The following PPP2R3B variants were observed in gnomAD, a reference collection of about 807,000 sequenced individuals.
PPP2R3B encodes the protein serine/threonine-protein phosphatase 2A regulatory subunit B'' subunit beta.
Under a neutral mutation model 72.9 loss-of-function variants are expected in PPP2R3B, and 68 were observed. The ratio of observed to expected loss-of-function variants is 0.93; its 90% CI spans 0.77 to 1.14. The LOEUF is 1.14. PPP2R3B is among the 50% of genes most tolerant of loss of function. The pLI is 0.00. For missense variants in PPP2R3B, 1,018 were observed against 842.0 expected, an observed-to-expected ratio of 1.21 and a Z score of -2.59; for synonymous variants, 466 against 375.8, an observed-to-expected ratio of 1.24 and a Z score of -2.78.
intron 10 of PPP2R3B, among the ~76,000 whole-genome samples, chrX:340,513 G>T (rs866428705): frequency 9.2e-6 from 1 of 108,140 alleles, no homozygotes; most frequent in South Asian, 3.1e-4. Flanking sequence ...CTCACCCTGG[G>T]CCGTCCCCCC....
chrX:370,424 G>A (rs992269444), intron 1 of PPP2R3B, among the ~76,000 whole-genome samples: 60 of 152,150 alleles, frequency 3.9e-4, no homozygotes, highest in Non-Finnish European at 8.5e-4. Flanking sequence ...GCAGCGAGGC[G>A]TGAGTCTCCA....
At chrX:370,813 C>T (rs1296361567) in intron 1 of PPP2R3B, among the ~76,000 whole-genome samples, 4 of 152,210 alleles carry the variant, frequency 2.6e-5, no homozygotes, top group African/African-American at 4.8e-5. Context: ...GCGTCAGGGA[C>T]GCCCAGAGCC....
chrX:345,525 T>C lies in PPP2R3B; in HGVS notation c.1027A>G (p.Asn343Asp), dbSNP rs377659448. 15 of 1,612,744 alleles carry C rather than the reference T, an allele frequency of 9.3e-6. No individual in the cohort carries two copies. The highest frequency in any genetic ancestry group is 1.0e-5 in the Non-Finnish European group (12 of 1,179,486). ...LIDADDLARH[N>D]DHALSTKMID... ...CTGTGCCCCCACGCACCGTGGTCAT[T>C]GTGCCGCGCCAGGTCGTCCGCGTCG... The change falls in exon 7 of 13, where the codon AAT becomes GAT. Residue 343 changes from asparagine (N) to aspartate (D), a missense_variant. Asn to Asp is a conservative substitution (Grantham distance 23). Transcript: ENST00000390665.
chrX:338,574 T>G, intron 12 of PPP2R3B, 30 bp downstream of exon 12: 2 of 1,445,800 alleles, frequency 1.4e-6, no homozygotes, highest in Non-Finnish European at 1.9e-6. Context: ...CACTGACCCG[T>G]CCCCCCACTC....
intron 2 of PPP2R3B, among the ~76,000 whole-genome samples, chrX:351,342 A>T (rs772968745): frequency 6.6e-6 from 1 of 152,142 alleles, no homozygotes; most frequent in Non-Finnish European, 1.5e-5. Context: ...GCAGGTTTCA[A>T]ACCCCAAGCG....
chrX:350,775 G>C (rs2071313818), intron 2 of PPP2R3B, among the ~76,000 whole-genome samples: 1 of 152,194 alleles, frequency 6.6e-6, no homozygotes, highest in Non-Finnish European at 1.5e-5. Flanking sequence ...CGCAGCTGCC[G>C]GGAAAGCGGC....
chrX:345,336 C>CGGGGCAGCGACTGGGGAAGGA, intron 7 of PPP2R3B, 180 bp downstream of exon 7: 1 of 896,878 alleles, frequency 1.1e-6, no homozygotes, highest in South Asian at 1.4e-5. Context: ...GACCCAGACA[C>CGGGGCAGCGACTGGGGAAGGA]GGGGCAGCGA....
intron 1 of PPP2R3B, among the ~76,000 whole-genome samples, chrX:377,365 G>A (rs868371745): frequency 7.3e-4 from 30 of 41,242 alleles, no homozygotes; most frequent in Admixed American, 1.7e-3. Context: ...ATGCAGGGAC[G>A]GGCCGTCCAC....
At chrX:348,966 G>A (rs2071276768) in intron 2 of PPP2R3B, among the ~76,000 whole-genome samples, 1 of 152,150 alleles carries the variant, frequency 6.6e-6, no homozygotes, top group East Asian at 1.9e-4. Flanking sequence ...AGTTATCACT[G>A]GAGAGCAGAG....
At chrX:334,764 T>A (rs2070843499) in intron 12 of PPP2R3B, 2 of 446,620 alleles carry the variant, frequency 4.5e-6, no homozygotes, top group Non-Finnish European at 7.8e-6. Flanking sequence ...GCCCCGGGCG[T>A]GAGCTACACA....
intron 1 of PPP2R3B, among the ~76,000 whole-genome samples, chrX:384,905 A>C (rs2072210417): frequency 1.3e-5 from 2 of 149,406 alleles, no homozygotes; most frequent in Non-Finnish European, 3.0e-5. Context: ...GAATCGCTTG[A>C]ACCCGGGAGG....
chrX:334,582 G>A (rs1344505695), intron 12 of PPP2R3B, 65 bp from the exon 13 acceptor site: 1 of 1,385,092 alleles, frequency 7.2e-7, no homozygotes, highest in South Asian at 1.6e-5. Context: ...CGTTTTCCGG[G>A]AAACACAGGC....
chrX:349,301 C>T (rs1445017529), intron 2 of PPP2R3B, among the ~76,000 whole-genome samples: 1 of 152,162 alleles, frequency 6.6e-6, no homozygotes, highest in Admixed American at 6.5e-5. Flanking sequence ...TCTGCCACAC[C>T]GAGATCTTCC....
At chrX:360,055 C>T (rs919514417) in intron 2 of PPP2R3B, among the ~76,000 whole-genome samples, 12 of 152,164 alleles carry the variant, frequency 7.9e-5, no homozygotes, top group African/African-American at 2.9e-4. Flanking sequence ...CAAAACCAGA[C>T]AAAGGACTCA....
intron 1 of PPP2R3B, among the ~76,000 whole-genome samples, chrX:366,896 C>T (rs867992447): frequency 6.0e-5 from 9 of 150,146 alleles, no homozygotes; most frequent in South Asian, 2.1e-4. Flanking sequence ...GGTGTGGTGG[C>T]GCATGCCTGT....
intron 1 of PPP2R3B, among the ~76,000 whole-genome samples, chrX:367,793 C>CA: frequency 6.6e-6 from 1 of 152,140 alleles, no homozygotes; most frequent in Non-Finnish European, 1.5e-5. Context: ...ATGGGAGACA[C>CA]AGAGGACAGA....
At chrX:377,792 C>T (rs777421373) in intron 1 of PPP2R3B, among the ~76,000 whole-genome samples, 29 of 125,344 alleles carry the variant, frequency 2.3e-4, no homozygotes, top group African/African-American at 1.0e-3. Context: ...GCCGTCCACA[C>T]CCAGTGGGGC....
chrX:364,373 C>G (rs1476546504), intron 1 of PPP2R3B, among the ~76,000 whole-genome samples: 1 of 151,870 alleles, frequency 6.6e-6, no homozygotes, highest in Non-Finnish European at 1.5e-5. Flanking sequence ...CACCAGGATG[C>G]TGCGAAAACC....
At position 334,394 on chromosome X, in the gene PPP2R3B, G is replaced by A. The variant is rs140273319; in HGVS notation, c.1701C>T (p.Cys567=). Residue 567 remains cysteine (C), a synonymous_variant, in exon 13 of 13, where the codon TGC becomes TGT. Transcript: ENST00000390665. ...ACAGCGGCTCCAGGTCCTCGTCCCC[G>A]CATGCGTACTCGTACAGGTCCACGG... The part of the protein sequence containing the change: ...LGAVDLYEYA[C]GDEDLEPL 1,388 of 1,549,120 alleles carry A rather than the reference G, an allele frequency of 9.0e-4. 16 individuals are homozygous for A. The African/African-American group carries it at 0.015, about 17-fold the overall frequency.
Sources: gnomAD v4.1 joint callset for allele counts (sites outside exome capture counted in the v4.1 genomes callset) on GRCh38, gnomAD v4.1.1 for gene constraint, MANE v1.5 for transcripts, NCBI Gene and HGNC (gene_info 2026-07-23, HGNC 2026-07-21) for gene names.